The following NOTCH1 variants were observed in gnomAD, a reference collection of about 807,000 sequenced individuals.
NOTCH1 encodes the protein neurogenic locus notch homolog protein 1.
A neutral mutation model predicts 254.8 loss-of-function variants in NOTCH1; 37 were observed. The observed-to-expected ratio is 0.15, with a 90% CI of 0.11 to 0.19. The LOEUF is 0.19. NOTCH1 is among the 10% of genes least tolerant of loss of function. The pLI, the probability that NOTCH1 is intolerant of heterozygous loss-of-function variation, is 1.00. For missense variants in NOTCH1, 2,972 were observed against 3,708.6 expected (o/e 0.80, Z 5.16); for synonymous variants, 1,731 against 1,618.1 (o/e 1.07, Z -1.68).
rs61751539 is a variant in NOTCH1 at position 136,504,804 on chromosome 9, G to T, written c.4887C>A (p.His1629Gln). 1 of 1,562,334 alleles carries T rather than the reference G, an allele frequency of 6.4e-7. No homozygotes were observed. The highest frequency in any genetic ancestry group is 2.4e-5 in the East Asian group (1 of 42,352). Reference protein sequence around the residue: ...YYGREEELRKHPIKRAAEGWA... With the variant: ...YYGREEELRKQPIKRAAEGWA... Reference sequence around the variant, plus strand: ...AGCCCTCGGCGGCACGCTTGATGGGGTGCTTGCGCAGCTCCTCCTCGCGGC... The same window carrying T: ...AGCCCTCGGCGGCACGCTTGATGGGTTGCTTGCGCAGCTCCTCCTCGCGGC... The change falls in exon 26 of 34, where the codon CAC becomes CAA. Residue 1629 changes from histidine to glutamine, a missense_variant. Physicochemically the swap from His to Gln is conservative, Grantham distance 24. Coordinates refer to ENST00000651671, the MANE Select transcript of NOTCH1 (RefSeq NM_017617.5).
chr9:136,523,357 C>T (rs901554112), intron 3 of NOTCH1, among the ~76,000 whole-genome samples, 169 bp from the exon 4 acceptor site: 1 of 152,230 alleles, frequency 6.6e-6, no homozygotes, highest in Non-Finnish European at 1.5e-5. Flanking sequence ...AGATGAAGGA[C>T]CACAGCTCCC....
chr9:136,520,290 T>C (rs889276359), intron 4 of NOTCH1, among the ~76,000 whole-genome samples: 1 of 151,394 alleles, frequency 6.6e-6, no homozygotes, highest in East Asian at 1.9e-4. Flanking sequence ...CCCGTTGCCC[T>C]TGGAGCTCCC....
intron 2 of NOTCH1, among the ~76,000 whole-genome samples, chr9:136,533,018 C>T (rs1443611806): frequency 1.3e-5 from 2 of 152,248 alleles, no homozygotes; most frequent in Non-Finnish European, 2.9e-5. Context: ...CTGCAGAGCT[C>T]TGTGCTGGGC....
At chr9:136,501,116 G>C (rs1386768319) in intron 30 of NOTCH1, among the ~76,000 whole-genome samples, 2 of 152,222 alleles carry the variant, frequency 1.3e-5, no homozygotes, top group Non-Finnish European at 2.9e-5. Flanking sequence ...AGGAAAAAGA[G>C]GACCCCAGAA....
At chr9:136,501,586 A>AC (rs770349505) in intron 30 of NOTCH1, among the ~76,000 whole-genome samples, 162 bp downstream of exon 30, 4 of 151,748 alleles carry the variant, frequency 2.6e-5, no homozygotes, top group South Asian at 4.2e-4. Context: ...GGACTCCAGG[A>AC]CCCCCCCACG....
intron 2 of NOTCH1, among the ~76,000 whole-genome samples, chr9:136,541,770 A>G (rs1366395890): frequency 6.6e-6 from 1 of 152,224 alleles, no homozygotes; most frequent in African/African-American, 2.4e-5. Context: ...GTGCCTCCAC[A>G]AGCCGGGCTC....
At position 136,545,425 on chromosome 9, in the gene NOTCH1, G is replaced by C. The variant is rs1843800728; in HGVS notation, c.61+301C>G. Among the ~76,000 whole-genome samples the C allele has an allele frequency of 6.6e-6, 1 of 152,018 alleles. No individual in the cohort carries two copies. The highest frequency in any genetic ancestry group is 2.4e-5 in the African/African-American group (1 of 41,422). ...CCGGCCGACCGGCGGCAAGCCCCACGCGCGGCGGGTGAAGGGCGGGCCCGG... is the reference window on the plus strand; with the variant it reads ...CCGGCCGACCGGCGGCAAGCCCCACCCGCGGCGGGTGAAGGGCGGGCCCGG... On this transcript the variant is annotated intron_variant, in intron 1 of 33. Transcript: ENST00000651671. This position sits in a 1 kb window ranked among gnomAD's most constrained non-coding sequence, Gnocchi z 6.8.
At position 136,513,318 on chromosome 9, in the gene NOTCH1, G is replaced by A; in HGVS notation, c.2353+74C>T. Reference sequence around the variant, plus strand: ...CATGCATGGTGCTGGCTGGACCTGGGTCCCGATCCTGTGTCTCCAGCTCCC... The same window carrying A: ...CATGCATGGTGCTGGCTGGACCTGGATCCCGATCCTGTGTCTCCAGCTCCC... On this transcript the variant is annotated intron_variant, in intron 14 of 33. Transcript: ENST00000651671. The surrounding 1 kb of genome is among the most constrained non-coding windows in gnomAD (Gnocchi z 4.7). 6.2e-7 allele frequency: 1 copy of A among 1,602,660 alleles called. No homozygotes were observed. Among genetic ancestry groups the A allele is most frequent in the Non-Finnish European group, 8.5e-7 (1 of 1,173,762 alleles).
At chr9:136,512,933 C>CCCCCCA in intron 15 of NOTCH1, 88 bp downstream of exon 15, 2 of 436,942 alleles carry the variant, frequency 4.6e-6, no homozygotes, top group Non-Finnish European at 8.3e-6. Flanking sequence ...CCACCCTCTC[C>CCCCCCA]AGCACAGGCT....
At chr9:136,500,518 AG>A in intron 31 of NOTCH1, 33 bp downstream of exon 31, 1 of 1,606,150 alleles carries the variant, frequency 6.2e-7, no homozygotes. Context: ...GGCCCTGAGG[AG>A]GGCAGGTGGG....
At chr9:136,508,808 C>G in intron 19 of NOTCH1, 62 bp downstream of exon 19, 1 of 1,472,192 alleles carries the variant, frequency 6.8e-7, no homozygotes, top group Non-Finnish European at 9.1e-7. Flanking sequence ...GTTCCCACCT[C>G]CCGCAGGTAG....
intron 2 of NOTCH1, among the ~76,000 whole-genome samples, chr9:136,541,467 C>T (rs141927790): frequency 3.9e-4 from 60 of 152,304 alleles, no homozygotes; most frequent in Admixed American, 9.2e-4. Flanking sequence ...CAGCTGGATA[C>T]CACGGGGCCA....
At chr9:136,500,206 C>CG (rs1554826819) in intron 31 of NOTCH1, among the ~76,000 whole-genome samples, 1 of 152,178 alleles carries the variant, frequency 6.6e-6, no homozygotes, top group Non-Finnish European at 1.5e-5. Flanking sequence ...GAGGGAGGGG[C>CG]GGGGCTGCGA....
chr9:136,504,850 T>A lies in NOTCH1; in HGVS notation c.4841A>T (p.Gln1614Leu), dbSNP rs1277460659. ...VVFKRDAHGQQMIFPYYGREE... is the reference protein window; with the variant it reads ...VVFKRDAHGQLMIFPYYGREE... ...GCGGCCGTAGTAGGGGAAGATCATC[T>A]GCTGGCCGTGTGCGTCACGCTTGAA... Residue 1614 changes from glutamine to leucine, a missense_variant, in exon 26 of 34, where the codon CAG (glutamine) becomes CTG (leucine). By Grantham distance (113) the Gln-to-Leu change is moderately radical. This residue lies in a region of NOTCH1 where 1,343 missense variants were observed against 1,557.0 expected (regional missense o/e 0.86). Coordinates refer to ENST00000651671, the MANE Select transcript of NOTCH1 (RefSeq NM_017617.5). 1 of 1,581,156 alleles carries A rather than the reference T, an allele frequency of 6.3e-7. No homozygotes were observed. Among genetic ancestry groups the A allele is most frequent in the East Asian group, 2.3e-5 (1 of 43,540 alleles).
chr9:136,545,254 G>C lies in NOTCH1; in HGVS notation c.61+472C>G, dbSNP rs1843797563. Reference sequence around the variant, plus strand: ...GCGCGGGTCAGTGAAGGCGAACGCGGCGCCGCAGAGCCCACACTCCGCGCC... The same window carrying C: ...GCGCGGGTCAGTGAAGGCGAACGCGCCGCCGCAGAGCCCACACTCCGCGCC... On this transcript the variant is annotated intron_variant, in intron 1 of 33. Coordinates refer to ENST00000651671, the MANE Select transcript of NOTCH1 (RefSeq NM_017617.5). This position sits in a 1 kb window ranked among gnomAD's most constrained non-coding sequence, Gnocchi z 6.8. Among the ~76,000 whole-genome samples, 1 of 152,176 alleles carries C rather than the reference G, an allele frequency of 6.6e-6. No individual in the cohort carries two copies. The highest frequency in any genetic ancestry group is 1.5e-5 in the Non-Finnish European group (1 of 68,016).
chr9:136,509,121 C>T (rs1478645228), intron 18 of NOTCH1, 50 bp from the exon 19 acceptor site: 3 of 1,489,488 alleles, frequency 2.0e-6, no homozygotes, highest in Admixed American at 3.9e-5. Context: ...TTGGTGGGTC[C>T]CCGCTCCAGC....
intron 15 of NOTCH1, among the ~76,000 whole-genome samples, chr9:136,511,994 C>A (rs545729095): frequency 6.6e-6 from 1 of 152,384 alleles, no homozygotes; most frequent in Non-Finnish European, 1.5e-5. Flanking sequence ...TCTCCCTGGC[C>A]TGCTGGGGCG....
chr9:136,505,907 T>G (rs2133341434), intron 24 of NOTCH1, 26 bp from the exon 25 acceptor site: 1 of 1,561,622 alleles, frequency 6.4e-7, no homozygotes, highest in African/African-American at 1.3e-5. Flanking sequence ...GACAGGACGG[T>G]GTCGGGGTGG....
At chr9:136,501,695 G>A (rs2133328279) in intron 30 of NOTCH1, 53 bp downstream of exon 30, 2 of 1,598,316 alleles carry the variant, frequency 1.3e-6, no homozygotes, top group South Asian at 1.1e-5. Context: ...GCTTAGGGGA[G>A]AGAGGCAGGT....
Sources: gnomAD v4.1 joint callset for allele counts (sites outside exome capture counted in the v4.1 genomes callset) on GRCh38, gnomAD v4.1.1 for gene constraint, gnomAD v4.1.1 regional missense constraint, Gnocchi (gnomAD v3.1) non-coding constraint, MANE v1.5 for transcripts, NCBI Gene and HGNC (gene_info 2026-07-23, HGNC 2026-07-21) for gene names.